Variants in ASB4 observed in about 807,000 individuals in gnomAD.
ASB4 encodes ankyrin repeat and SOCS box protein 4.
Under a neutral mutation model 38.6 loss-of-function variants are expected in ASB4, and 35 were observed. The ratio of observed to expected loss-of-function variants is 0.91; its 90% CI spans 0.69 to 1.20. ASB4 has a LOEUF of 1.20. Among genes scored for constraint, ASB4 ranks in the 50% most tolerant of loss-of-function variants. The pLI, the probability that ASB4 is intolerant of heterozygous loss-of-function variation, is 0.00. For missense variants in ASB4, 557 were observed against 527.2 expected (o/e 1.06, Z -0.55); for synonymous variants, 195 against 201.3 (o/e 0.97, Z 0.26).
Position 95,536,506 on chromosome 7 carries a change from T to A in ASB4, c.1048T>A (p.Trp350Arg). 6.2e-7 allele frequency: 1 copy of A among 1,613,328 alleles called. No homozygotes were observed. Among genetic ancestry groups the A allele is most frequent in the East Asian group, 2.2e-5 (1 of 44,874 alleles). ...VVVNAYEHIRWNTKWRRAIPD... is the reference protein window; with the variant it reads ...VVVNAYEHIRRNTKWRRAIPD... ...AGTCAATGCCTATGAACACATCAGATGGAACACAAAGTGGAGAAGAGCTAT... is the reference window on the plus strand; with the variant it reads ...AGTCAATGCCTATGAACACATCAGAAGGAACACAAAGTGGAGAAGAGCTAT... The change falls in exon 4 of 5, where the codon TGG becomes AGG. Residue 350 changes from tryptophan (W) to arginine (R), a missense_variant. Physicochemically the swap from Trp to Arg is moderately radical, Grantham distance 101. Coordinates refer to ENST00000325885, the MANE Select transcript of ASB4 (RefSeq NM_016116.3).
chr7:95,490,720 CCAAA>C (rs1790158955), intron 1 of ASB4, among the ~76,000 whole-genome samples: 1 of 152,242 alleles, frequency 6.6e-6, no homozygotes, highest in Non-Finnish European at 1.5e-5. Flanking sequence ...AAAAGAAGGC[CCAAA>C]CACTTTGCTC....
the ASB4 span, chr7:95,471,843 G>A: frequency 9.0e-6 from 1 of 111,390 alleles, no homozygotes; most frequent in East Asian, 3.4e-4. Flanking sequence ...CTAACACTAT[G>A]CTTTCTTAGG....
chr7:95,471,229 T>C, the ASB4 span, among the ~76,000 whole-genome samples: 3 of 152,172 alleles, frequency 2.0e-5, no homozygotes, highest in Non-Finnish European at 4.4e-5. Flanking sequence ...CCCCTTCAAA[T>C]GATGTGGCTT....
chr7:95,496,254 T>C, intron 2 of ASB4, 197 bp downstream of exon 2: 3 of 504,428 alleles, frequency 5.9e-6, no homozygotes, highest in Non-Finnish European at 1.0e-5. Flanking sequence ...TATTATCTAA[T>C]AGCAGGAAGT....
At chr7:95,514,358 C>T (rs1383496107) in intron 2 of ASB4, among the ~76,000 whole-genome samples, 1 of 152,200 alleles carries the variant, frequency 6.6e-6, no homozygotes, top group Non-Finnish European at 1.5e-5. Flanking sequence ...TATAAAAATA[C>T]AGAAAAACTT....
At chr7:95,521,686 TAA>T (rs35236189) in intron 2 of ASB4, among the ~76,000 whole-genome samples, 3,139 of 147,666 alleles carry the variant, frequency 0.021, 60 homozygotes, top group Non-Finnish European at 0.032. Context: ...CAGTTGAAAT[TAA>T]AAAAAAAAAA....
At chr7:95,497,396 TTGGATG>T (rs1467763718) in intron 2 of ASB4, among the ~76,000 whole-genome samples, 8 of 152,052 alleles carry the variant, frequency 5.3e-5, no homozygotes, top group African/African-American at 9.7e-5. Flanking sequence ...CAGAGATGGA[TTGGATG>T]TGGGTGGGGT....
chr7:95,473,574 C>T (rs192928283), upstream of ASB4: 4 of 152,078 alleles, frequency 2.6e-5, no homozygotes, highest in Admixed American at 2.6e-4. Context: ...CTCCCTTGCT[C>T]TTGCAACCTG....
At chr7:95,480,115 G>A (rs6950550) in intron 1 of ASB4, among the ~76,000 whole-genome samples, 1 of 151,950 alleles carries the variant, frequency 6.6e-6, no homozygotes, top group Admixed American at 6.6e-5. Context: ...TTTCTTACTT[G>A]TTGGTCCACA....
At chr7:95,484,026 TA>T (rs11431388), upstream of ASB4, among the ~76,000 whole-genome samples, 803 of 138,838 alleles carry the variant, frequency 5.8e-3, no homozygotes, top group African/African-American at 0.011. Context: ...CATTAAAAAG[TA>T]AAAAAAAAAA....
At chr7:95,527,724 G>C in intron 2 of ASB4, 89 bp from the exon 3 acceptor site, 1 of 1,245,110 alleles carries the variant, frequency 8.0e-7, no homozygotes, top group East Asian at 2.5e-5. Context: ...AGTTAAAAGA[G>C]AAGCAGTGAG....
At chr7:95,500,048 TG>T (rs1223059281) in intron 2 of ASB4, among the ~76,000 whole-genome samples, 1 of 151,876 alleles carries the variant, frequency 6.6e-6, no homozygotes. Context: ...AAGTAAAAGA[TG>T]GTTTTAAATG....
intron 1 of ASB4, among the ~76,000 whole-genome samples, chr7:95,480,441 T>A (rs1790013007): frequency 6.6e-6 from 1 of 152,202 alleles, no homozygotes; most frequent in African/African-American, 2.4e-5. Context: ...TCTGAATCAG[T>A]GCTAGTCAGT....
Position 95,537,918 on chromosome 7 carries a change from G to T in ASB4, c.*159G>T. On this transcript the variant is annotated 3_prime_UTR_variant, in exon 5 of 5. Coordinates refer to ENST00000325885, the MANE Select transcript of ASB4 (RefSeq NM_016116.3). ...CATTAATCCTAGAATATCATGGTATGGGGAAATAAAGAAGAAGTAAAGTTA... is the reference window on the plus strand; with the variant it reads ...CATTAATCCTAGAATATCATGGTATTGGGAAATAAAGAAGAAGTAAAGTTA... The T allele has an allele frequency of 1.6e-6, 1 of 607,560 alleles. No individual in the cohort carries two copies. The allele number at this position is 607,560 out of a possible 1,614,324, so 37.6% of individuals were successfully genotyped here.
the ASB4 span, among the ~76,000 whole-genome samples, chr7:95,548,328 C>G: frequency 6.6e-6 from 1 of 152,178 alleles, no homozygotes; most frequent in Non-Finnish European, 1.5e-5. Flanking sequence ...TGTTAAACAG[C>G]TTTTCACTTG....
chr7:95,517,471 A>T (rs1490782581), intron 2 of ASB4, among the ~76,000 whole-genome samples: 1 of 152,202 alleles, frequency 6.6e-6, no homozygotes, highest in Non-Finnish European at 1.5e-5. Context: ...GTATAATAGG[A>T]AGTGCAAGGA....
At chr7:95,533,030 T>A (rs1423591305) in intron 3 of ASB4, among the ~76,000 whole-genome samples, 7 of 152,192 alleles carry the variant, frequency 4.6e-5, no homozygotes, top group Admixed American at 6.5e-5. Flanking sequence ...CCCACTAATC[T>A]CTGTCCCTAA....
At chr7:95,486,701 C>G (rs760504462) in intron 1 of ASB4, among the ~76,000 whole-genome samples, 2 of 152,180 alleles carry the variant, frequency 1.3e-5, no homozygotes, top group African/African-American at 4.8e-5. Flanking sequence ...GTTTTCAGTT[C>G]AGGCACAAAA....
At chr7:95,513,295 G>GTGTA (rs1225802995) in intron 2 of ASB4, among the ~76,000 whole-genome samples, 1 of 61,498 alleles carries the variant, frequency 1.6e-5, no homozygotes. Flanking sequence ...CCAATAGAAT[G>GTGTA]TGTGTGTGTG....
Sources: allele counts gnomAD v4.1 joint callset (sites outside exome capture counted in the v4.1 genomes callset), GRCh38; gene constraint gnomAD v4.1.1; transcripts MANE v1.5; gene names NCBI Gene and HGNC (gene_info 2026-07-23, HGNC 2026-07-21).